The following LINC00632 variants were observed in gnomAD, a reference collection of about 807,000 sequenced individuals.
LINC00632 encodes long independently transcribed non-coding RNA 632.
At chrX:140,757,450 T>C (rs1931512861) in intron 3 of LINC00632, among the ~76,000 whole-genome samples, 1 of 111,498 alleles carries the variant, frequency 9.0e-6, no homozygotes, top group Admixed American at 9.5e-5. Context: ...TAAACAGTAC[T>C]GATACTTGCA....
chrX:140,762,365 T>C (rs1931615571), intron 3 of LINC00632, among the ~76,000 whole-genome samples: 1 of 111,449 alleles, frequency 9.0e-6, no homozygotes, highest in African/African-American at 3.3e-5. Context: ...GGACAAAGGG[T>C]GAATTAGAAG....
At chrX:140,784,332 T>C in exon 5 of LINC00632, 1 of 1,209,856 alleles carries the variant, frequency 8.3e-7, no homozygotes, top group Non-Finnish European at 1.1e-6. Context: ...CAAAGGTACG[T>C]CTTCCAGAAA....
intron 3 of LINC00632, among the ~76,000 whole-genome samples, chrX:140,744,872 C>T (rs1931303224): frequency 9.0e-6 from 1 of 110,657 alleles, no homozygotes; most frequent in Non-Finnish European, 1.9e-5. Context: ...CATGAGCCAC[C>T]GCATCCAGCT....
intron 2 of LINC00632, chrX:140,711,860 A>C (rs574383149): frequency 6.9e-6 from 1 of 145,627 alleles, no homozygotes; most frequent in South Asian, 1.8e-4. Flanking sequence ...CTTTCCTTTG[A>C]TTAGTGTATT....
intron 3 of LINC00632, among the ~76,000 whole-genome samples, chrX:140,769,431 A>T (rs1007817703): frequency 9.1e-6 from 1 of 110,491 alleles, no homozygotes; most frequent in Non-Finnish European, 1.9e-5. Context: ...CTAAAATCCC[A>T]TTTGATTTCC....
At chrX:140,724,210 TAC>T (rs1930852645) in intron 2 of LINC00632, among the ~76,000 whole-genome samples, 1 of 60,856 alleles carries the variant, frequency 1.6e-5, no homozygotes, top group African/African-American at 5.7e-5. Flanking sequence ...ACACATTCCA[TAC>T]ACAGACACAT....
At chrX:140,716,215 A>C (rs1231635236) in intron 2 of LINC00632, 1 of 111,882 alleles carries the variant, frequency 8.9e-6, no homozygotes, top group South Asian at 3.8e-4. Context: ...TGTAATAGTT[A>C]CCAGCAAGGC....
intron 3 of LINC00632, among the ~76,000 whole-genome samples, chrX:140,759,336 C>T (rs866770951): frequency 1.6e-4 from 7 of 43,838 alleles, no homozygotes; most frequent in Non-Finnish European, 4.1e-4. Flanking sequence ...TTCCTTCCTT[C>T]CTTCCTTCCT....
intron 3 of LINC00632, among the ~76,000 whole-genome samples, chrX:140,762,823 T>TA (rs1190633881): frequency 8.9e-6 from 1 of 112,083 alleles, no homozygotes; most frequent in South Asian, 3.7e-4. Flanking sequence ...TTTTGAGCAC[T>TA]AAAAAATGTA....
At chrX:140,772,525 T>C (rs1931816727) in exon 4 of LINC00632, 1 of 288,712 alleles carries the variant, frequency 3.5e-6, no homozygotes, top group South Asian at 2.4e-4. Flanking sequence ...ATGATAGAGA[T>C]GCAAGAAGAG....
chrX:140,788,919 G>A (rs202112754), exon 5 of LINC00632, among the ~76,000 whole-genome samples: 3 of 100,763 alleles, frequency 3.0e-5, no homozygotes, highest in Admixed American at 1.1e-4. Context: ...ATATATGTGT[G>A]TGTGTGTGTG....
chrX:140,732,327 A>G (rs1931072238), intron 2 of LINC00632, among the ~76,000 whole-genome samples: 1 of 112,413 alleles, frequency 8.9e-6, no homozygotes, highest in African/African-American at 3.2e-5. Context: ...CTCAGATGCC[A>G]TGTATACCCA....
chrX:140,718,534 T>C (rs1432989272), intron 2 of LINC00632, among the ~76,000 whole-genome samples: 1 of 108,376 alleles, frequency 9.2e-6, no homozygotes, highest in East Asian at 3.0e-4. Context: ...TGCCTCAGCC[T>C]CCCGACTAGC....
At chrX:140,782,526 TA>T (rs1339359082) in exon 5 of LINC00632, 4 of 111,977 alleles carry the variant, frequency 3.6e-5, no homozygotes, top group Non-Finnish European at 7.5e-5. Flanking sequence ...AGTTCTAAAT[TA>T]CAAGTCTTCC....
chrX:140,726,642 G>A (rs923057049), intron 2 of LINC00632, among the ~76,000 whole-genome samples: 26 of 110,833 alleles, frequency 2.3e-4, no homozygotes, highest in African/African-American at 7.6e-4. Context: ...ATAACATCAC[G>A]AGCTCTTCCT....
intron 2 of LINC00632, among the ~76,000 whole-genome samples, chrX:140,725,524 C>T (rs1930945696): frequency 8.9e-6 from 1 of 111,917 alleles, no homozygotes; most frequent in Non-Finnish European, 1.9e-5. Flanking sequence ...GCAGGTATGT[C>T]CCCAAAGAAA....
At chrX:140,739,948 A>G (rs1931199293) in intron 3 of LINC00632, among the ~76,000 whole-genome samples, 1 of 112,468 alleles carries the variant, frequency 8.9e-6, no homozygotes, top group Non-Finnish European at 1.9e-5. Flanking sequence ...TTTTCTATAT[A>G]TTATCGTATT....
At chrX:140,762,242 A>AGAGC (rs1286418753) in intron 3 of LINC00632, among the ~76,000 whole-genome samples, 4 of 99,821 alleles carry the variant, frequency 4.0e-5, no homozygotes, top group Admixed American at 1.1e-4. Context: ...AGAGAGAGAG[A>AGAGC]GCACTCTTAT....
chrX:140,718,537 C>T (rs973438639), intron 2 of LINC00632, among the ~76,000 whole-genome samples: 3 of 109,166 alleles, frequency 2.7e-5, no homozygotes, highest in South Asian at 4.1e-4. Context: ...CTCAGCCTCC[C>T]GACTAGCTGG....
Sources: gnomAD v4.1 joint callset for allele counts (sites outside exome capture counted in the v4.1 genomes callset) on GRCh38, gnomAD v4.1.1 for gene constraint, MANE v1.5 for transcripts, NCBI Gene and HGNC (gene_info 2026-07-23, HGNC 2026-07-21) for gene names.